BABAM1: variants seen among roughly 807,000 people sequenced by gnomAD.
BABAM1 encodes BRISC and BRCA1-A complex member 1.
In BABAM1, 14 loss-of-function variants were observed where a neutral mutation model predicts 34.4. The ratio of observed to expected loss-of-function variants is 0.41; its 90% CI spans 0.27 to 0.64. The LOEUF (loss-of-function observed/expected upper bound fraction) is 0.64. Ranked by LOEUF, BABAM1 falls within the 30% of genes least tolerant of loss-of-function variation. The probability of loss-of-function intolerance (pLI) is 0.34; values close to 1 mark genes in which losing one functional copy is unlikely to be tolerated. For synonymous variants in BABAM1, 169 were observed against 165.8 expected, an observed-to-expected ratio of 1.02 and a Z score of -0.15; for missense variants, 393 against 434.0, an observed-to-expected ratio of 0.91 and a Z score of 0.84.
chr19:17,275,965 T>A (rs866092208), intron 6 of BABAM1, 140 bp downstream of exon 6: 10 of 950,522 alleles, frequency 1.1e-5, no homozygotes, highest in South Asian at 7.2e-5. Flanking sequence ...AATTCCTCAT[T>A]TATGTGTGTC....
At chr19:17,275,753 T>C (rs1051350377) in intron 5 of BABAM1, 48 bp from the exon 6 acceptor site, 18 of 1,612,926 alleles carry the variant, frequency 1.1e-5, no homozygotes, top group Non-Finnish European at 1.4e-5. Flanking sequence ...GCCACCTGTT[T>C]CCCGCTCACT....
At chr19:17,270,991 C>CTTT (rs778538341) in intron 2 of BABAM1, among the ~76,000 whole-genome samples, 1 of 133,520 alleles carries the variant, frequency 7.5e-6, no homozygotes, top group Non-Finnish European at 1.6e-5. Context: ...CGCCTGGCCT[C>CTTT]TTTTTTTTTT....
Position 17,276,556 on chromosome 19 carries a change from G to C in BABAM1, c.631G>C (p.Val211Leu), listed in dbSNP as rs1332140107. The change falls in exon 7 of 9, where the codon GTC (valine) becomes CTC (leucine). Residue 211 changes from valine (V) to leucine (L), a missense_variant. Coordinates refer to ENST00000598188, the MANE Select transcript of BABAM1 (RefSeq NM_014173.4). ...GCAGACGATTCCCCCGCCATATGTG[G>C]TCCGCACCATCCTTGTCTACAGCCG... ...NVQTIPPPYV[V>L]RTILVYSRPP... 5.6e-6 allele frequency: 9 copies of C among 1,605,786 alleles called. No homozygotes were observed. The highest frequency in any genetic ancestry group is 7.7e-6 in the Non-Finnish European group (9 of 1,176,424).
intron 2 of BABAM1, among the ~76,000 whole-genome samples, chr19:17,270,773 C>T (rs1373617353): frequency 5.9e-5 from 9 of 151,920 alleles, no homozygotes; most frequent in African/African-American, 1.9e-4. Context: ...CTGCAAGCTC[C>T]GCCTCCTGGG....
chr19:17,273,382 A>T (rs2073864569), intron 3 of BABAM1, among the ~76,000 whole-genome samples: 1 of 151,962 alleles, frequency 6.6e-6, no homozygotes, highest in Non-Finnish European at 1.5e-5. Flanking sequence ...CTCTAGGGGA[A>T]ACTTGAGCCC....
At position 17,279,179 on chromosome 19, in the gene BABAM1, C is replaced by T. The variant is rs1423701493; in HGVS notation, c.*131C>T. On this transcript the variant is annotated 3_prime_UTR_variant, in exon 9 of 9. Transcript: ENST00000598188. ...AGGCACGTAGGGTACCTTGCAGGGT[C>T]CTAGGAGGGAAACCCAGGATTCCAG... The T allele has an allele frequency of 1.1e-6, 1 of 912,810 alleles. No individual in the cohort carries two copies. Among genetic ancestry groups the T allele is most frequent in the Admixed American group, 2.9e-5 (1 of 35,024 alleles). The allele number at this position is 912,810 out of a possible 1,614,324, so 56.5% of individuals were successfully genotyped here.
At chr19:17,272,370 A>T (rs1599493162) in intron 3 of BABAM1, among the ~76,000 whole-genome samples, 1 of 150,956 alleles carries the variant, frequency 6.6e-6, no homozygotes, top group Non-Finnish European at 1.5e-5. Flanking sequence ...TTGCCACCAC[A>T]CTCCAGCCTG....
At chr19:17,276,993 T>TGGAGGTAGAG in intron 8 of BABAM1, 84 bp downstream of exon 8, 1 of 1,292,818 alleles carries the variant, frequency 7.7e-7, no homozygotes, top group Non-Finnish European at 1.1e-6. Flanking sequence ...TGGGGGTCTC[T>TGGAGGTAGAG]ACCTCCATTT....
At chr19:17,276,199 T>C (rs1226431687) in intron 6 of BABAM1, among the ~76,000 whole-genome samples, 1 of 151,866 alleles carries the variant, frequency 6.6e-6, no homozygotes, top group Non-Finnish European at 1.5e-5. Flanking sequence ...ATACAAAAAT[T>C]AGCTGGCCAC....
rs190756416 is a variant in BABAM1 at position 17,268,572 on chromosome 19, C to T, written c.-13-222C>T. ...AGCCTCCCGAGTAGCTGGGATTATC[C>T]GCATGCGCCACCACGCCCGGCTAAT... On this transcript the variant is annotated intron_variant, in intron 1 of 8. Transcript: ENST00000598188. The T allele has an allele frequency of 2.9e-4, 124 of 424,760 alleles. 1 individual carries two copies. The East Asian group carries it at 4.3e-3, about 15-fold the overall frequency. The allele number at this position is 424,760 out of a possible 1,614,324, so 26.3% of individuals were successfully genotyped here. A position where few individuals can be genotyped will look rare whatever the true frequency, so the allele number is the denominator to read the frequency against.
rs757252748 is a variant in BABAM1 at position 17,271,597 on chromosome 19, A to C, written c.286A>C (p.Ile96Leu). ...TCACCACCCTCCAACTACCTTGCAG[A>C]TTATCTGCCTGGACCTGTCAGAGGA... The part of the protein sequence containing the change: ...TPRVNCPEKV[I>L]ICLDLSEEMS... Residue 96 changes from isoleucine to leucine, a missense_variant and splice_region_variant, in exon 3 of 9, where the codon ATT (isoleucine) becomes CTT (leucine). By Grantham distance (5) the Ile-to-Leu change is conservative. Coordinates refer to ENST00000598188, the MANE Select transcript of BABAM1 (RefSeq NM_014173.4). 2 of 1,613,656 alleles carry C rather than the reference A, an allele frequency of 1.2e-6. No homozygotes were observed. Among genetic ancestry groups the C allele is most frequent in the Admixed American group, 3.3e-5 (2 of 59,966 alleles).
At chr19:17,275,871 G>T (rs1161866214) in intron 6 of BABAM1, 46 bp downstream of exon 6, 1 of 1,593,750 alleles carries the variant, frequency 6.3e-7, no homozygotes, top group East Asian at 2.2e-5. Context: ...AAAGAGAAGG[G>T]TCACTTCTGG....
chr19:17,274,755 T>C (rs1427912065), intron 5 of BABAM1, among the ~76,000 whole-genome samples: 1 of 152,184 alleles, frequency 6.6e-6, no homozygotes, highest in African/African-American at 2.4e-5. Context: ...TATGGTAATT[T>C]GGACATAAAA....
At chr19:17,275,698 C>A in intron 5 of BABAM1, 103 bp from the exon 6 acceptor site, 3 of 1,446,364 alleles carry the variant, frequency 2.1e-6, no homozygotes, top group Non-Finnish European at 2.9e-6. Flanking sequence ...TCACATGGTG[C>A]GTCCCTAGGG....
rs1487210102 is a variant in BABAM1, at chr19:17,269,055, A to C, written c.249A>C (p.Gln83His). Residue 83 changes from glutamine to histidine, a missense_variant, in exon 2 of 9, where the codon CAA becomes CAC. Coordinates refer to ENST00000598188, the MANE Select transcript of BABAM1 (RefSeq NM_014173.4). ...WQVPPPAPEVQIRTPRVNCPE... is the reference protein window; with the variant it reads ...WQVPPPAPEVHIRTPRVNCPE... ...TGCCCCCGCCAGCCCCTGAGGTCCA[A>C]ATTCGGACACCAAGGGTCAACTGTC... 6.2e-7 allele frequency: 1 copy of C among 1,606,364 alleles called. No homozygotes were observed. The highest frequency in any genetic ancestry group is 8.5e-7 in the Non-Finnish European group (1 of 1,177,018).
rs559796473 is a variant in BABAM1 at position 17,274,199 on chromosome 19, C to G, written c.544+14C>G. ...GTTCCACCTTCAGTATCCTTCCTGG[C>G]AGAGATGTCCCCATGAAGGGGGCTG... On this transcript the variant is annotated intron_variant, in intron 5 of 8. Transcript: ENST00000598188. 3.7e-6 allele frequency: 6 copies of G among 1,611,230 alleles called. No homozygotes were observed. The highest frequency in any genetic ancestry group is 5.1e-6 in the Non-Finnish European group (6 of 1,179,148).
Position 17,279,031 on chromosome 19 carries a change from G to A in BABAM1, c.973G>A (p.Val325Ile). The A allele has an allele frequency of 1.2e-6, 2 of 1,611,686 alleles. No homozygotes were observed. Among genetic ancestry groups the A allele is most frequent in the Non-Finnish European group, 1.7e-6 (2 of 1,179,084 alleles). The change falls in exon 9 of 9, where the codon GTT becomes ATT. Residue 325 changes from valine (V) to isoleucine (I), a missense_variant. Val to Ile is a conservative substitution (Grantham distance 29, BLOSUM62 3). Transcript: ENST00000598188. The part of the protein sequence containing the change: ...LLEEEDEAIE[V>I]EATV The stretch of plus-strand genomic sequence containing the variant: ...GGAGGAGGAGGATGAAGCCATTGAG[G>A]TTGAGGCCACTGTCTGAACCATCCC...
chr19:17,267,746 C>T (rs2073785347), intron 1 of BABAM1, among the ~76,000 whole-genome samples: 1 of 152,194 alleles, frequency 6.6e-6, no homozygotes, highest in African/African-American at 2.4e-5. Context: ...GTGCCTATTT[C>T]CCAGATAGAC....
At chr19:17,270,953 G>A (rs1336858960) in intron 2 of BABAM1, among the ~76,000 whole-genome samples, 7 of 149,180 alleles carry the variant, frequency 4.7e-5, no homozygotes, top group Admixed American at 1.3e-4. Context: ...GCCTCCCAAA[G>A]TGCTGGGATT....
Sources: allele counts gnomAD v4.1 joint callset (sites outside exome capture counted in the v4.1 genomes callset), GRCh38; gene constraint gnomAD v4.1.1; transcripts MANE v1.5; gene names NCBI Gene and HGNC (gene_info 2026-07-23, HGNC 2026-07-21).